Variants in SLC35F4 observed in about 807,000 individuals in gnomAD.
SLC35F4 encodes chromosome 14 open reading frame 36.
Under a neutral mutation model 44.2 loss-of-function variants are expected in SLC35F4, and 24 were observed. That is an observed-to-expected ratio of 0.54 (90% CI 0.39 to 0.76). The LOEUF is 0.76. Among genes scored for constraint, SLC35F4 ranks in the 30% least tolerant of loss-of-function variants. The pLI is 0.00. For missense variants in SLC35F4, 562 were observed against 586.1 expected (o/e 0.96, Z 0.42); for synonymous variants, 238 against 223.6 (o/e 1.06, Z -0.57).
At chr14:57,671,723 T>A (rs55724949) in intron 1 of SLC35F4, among the ~76,000 whole-genome samples, 35,549 of 151,006 alleles carry the variant, frequency 0.24, 4,209 homozygotes, top group South Asian at 0.31. Context: ...TAAACGGAAA[T>A]GCTTGGGAAT....
chr14:57,582,465 G>A (rs2069355845), intron 3 of SLC35F4, among the ~76,000 whole-genome samples: 1 of 152,092 alleles, frequency 6.6e-6, no homozygotes, highest in Non-Finnish European at 1.5e-5. Context: ...GCCTCCCAAA[G>A]TGCTGAGATT....
chr14:57,714,525 A>G (rs2075890462), intron 1 of SLC35F4, among the ~76,000 whole-genome samples: 1 of 152,312 alleles, frequency 6.6e-6, no homozygotes, highest in Middle Eastern at 3.4e-3. Context: ...TTAATTAAAC[A>G]AGGATATAAA....
At chr14:57,789,048 A>T (rs1221000571) in intron 1 of SLC35F4, among the ~76,000 whole-genome samples, 1 of 152,238 alleles carries the variant, frequency 6.6e-6, no homozygotes, top group African/African-American at 2.4e-5. Flanking sequence ...AAATGCCTAC[A>T]TGAGAAAGTG....
At chr14:57,824,877 G>A (rs76705072) in intron 1 of SLC35F4, among the ~76,000 whole-genome samples, 27,222 of 151,990 alleles carry the variant, frequency 0.18, 3,437 homozygotes, top group African/African-American at 0.36. Flanking sequence ...GAAAGCTATC[G>A]GAGGAACTGG....
chr14:57,796,326 A>G (rs1417324959), intron 1 of SLC35F4, among the ~76,000 whole-genome samples: 1 of 152,146 alleles, frequency 6.6e-6, no homozygotes, highest in East Asian at 1.9e-4. Flanking sequence ...CTACCCCTAT[A>G]TTACAGGTTT....
At chr14:57,649,983 C>A (rs542024918) in intron 1 of SLC35F4, among the ~76,000 whole-genome samples, 126 of 152,090 alleles carry the variant, frequency 8.3e-4, no homozygotes, top group Non-Finnish European at 1.3e-3. Flanking sequence ...TATATTGGAC[C>A]TTTCCTTCAG....
chr14:57,574,972 G>T (rs185020842), intron 4 of SLC35F4, among the ~76,000 whole-genome samples: 1 of 152,292 alleles, frequency 6.6e-6, no homozygotes, highest in Non-Finnish European at 1.5e-5. Context: ...GGAAGCCAGT[G>T]CCTAAAATAT....
At chr14:57,965,198 G>A (rs1159276656) in intron 1 of SLC35F4, among the ~76,000 whole-genome samples, 4 of 151,982 alleles carry the variant, frequency 2.6e-5, no homozygotes, top group African/African-American at 7.3e-5. Context: ...ATTCCTGTCC[G>A]GAGAAGTTAA....
chr14:57,904,861 T>C (rs1458627463), intron 1 of SLC35F4, among the ~76,000 whole-genome samples: 1 of 152,156 alleles, frequency 6.6e-6, no homozygotes, highest in African/African-American at 2.4e-5. Context: ...ATGCTTTTCA[T>C]TACTTCTCCA....
At chr14:57,713,437 C>T (rs942558944) in intron 1 of SLC35F4, among the ~76,000 whole-genome samples, 3 of 152,136 alleles carry the variant, frequency 2.0e-5, no homozygotes, top group Non-Finnish European at 4.4e-5. Flanking sequence ...ATCCCATACC[C>T]CCTAGTTTAA....
chr14:57,790,908 T>G (rs2077901285), intron 1 of SLC35F4, among the ~76,000 whole-genome samples: 1 of 152,204 alleles, frequency 6.6e-6, no homozygotes, highest in Admixed American at 6.5e-5. Context: ...TAATAAATGG[T>G]GCTGGGAAAA....
chr14:57,810,188 G>C (rs911553330), intron 1 of SLC35F4, among the ~76,000 whole-genome samples: 3 of 152,082 alleles, frequency 2.0e-5, no homozygotes, highest in African/African-American at 7.2e-5. Flanking sequence ...CCCATCCTAG[G>C]GAAAGAGGCA....
intron 1 of SLC35F4, among the ~76,000 whole-genome samples, chr14:57,928,151 A>C (rs2141063825): frequency 6.6e-6 from 1 of 152,110 alleles, no homozygotes; most frequent in Admixed American, 6.5e-5. Flanking sequence ...ATAATGAGGC[A>C]CTCAATCCCC....
At chr14:57,789,661 C>A (rs1258721700) in intron 1 of SLC35F4, among the ~76,000 whole-genome samples, 1 of 152,208 alleles carries the variant, frequency 6.6e-6, no homozygotes, top group Non-Finnish European at 1.5e-5. Context: ...ACAGAATCAT[C>A]CTGATATCAA....
At chr14:57,884,163 G>C (rs186549738) in intron 1 of SLC35F4, among the ~76,000 whole-genome samples, 1 of 152,108 alleles carries the variant, frequency 6.6e-6, no homozygotes. Context: ...GAATGCTTTT[G>C]TGTCAAAGCA....
intron 1 of SLC35F4, among the ~76,000 whole-genome samples, chr14:57,637,962 T>G (rs1323630864): frequency 6.6e-6 from 1 of 152,050 alleles, no homozygotes; most frequent in Non-Finnish European, 1.5e-5. Flanking sequence ...ATAAAGATCA[T>G]AAGACTGATG....
chr14:57,877,706 G>C (rs1444919181), intron 1 of SLC35F4, among the ~76,000 whole-genome samples: 1 of 61,518 alleles, frequency 1.6e-5, no homozygotes, highest in African/African-American at 6.3e-5. Flanking sequence ...TTTTTTTTGA[G>C]ATGGAGTCTT....
chr14:57,578,223 G>C (rs1455676829), intron 4 of SLC35F4, among the ~76,000 whole-genome samples: 1 of 145,478 alleles, frequency 6.9e-6, no homozygotes, highest in Non-Finnish European at 1.5e-5. Context: ...CTAAGCATAT[G>C]AAAATTATAA....
At chr14:57,903,601 C>CT (rs1231368256) in intron 1 of SLC35F4, among the ~76,000 whole-genome samples, 1 of 152,140 alleles carries the variant, frequency 6.6e-6, no homozygotes, top group African/African-American at 2.4e-5. Context: ...AGAAGGCAGC[C>CT]TTATAGAAAC....
Sources: gnomAD v4.1 joint callset for allele counts (sites outside exome capture counted in the v4.1 genomes callset) on GRCh38, gnomAD v4.1.1 for gene constraint, MANE v1.5 for transcripts, NCBI Gene and HGNC (gene_info 2026-07-23, HGNC 2026-07-21) for gene names.